The following ZNF529 variants were observed in gnomAD, a reference collection of about 807,000 sequenced individuals.
The protein encoded by ZNF529 is zinc finger protein 529.
In ZNF529, 11 loss-of-function variants were observed where a neutral mutation model predicts 10.1. The observed-to-expected ratio is 1.09, with a 90% confidence interval of 0.69 to 1.81. The LOEUF (loss-of-function observed/expected upper bound fraction) is 1.81, where lower values mean the gene tolerates loss of function less well. ZNF529 is among the 40% of genes most tolerant of loss of function. ZNF529 has a pLI of 0.00. For synonymous variants in ZNF529, 204 were observed against 215.7 expected (o/e 0.95, Z 0.47); for missense variants, 624 against 666.8 (o/e 0.94, Z 0.71).
chr19:36,555,616 T>A (rs1178224496), intron 3 of ZNF529, among the ~76,000 whole-genome samples: 1 of 152,186 alleles, frequency 6.6e-6, no homozygotes, highest in African/African-American at 2.4e-5. Context: ...TTTTAGTAAG[T>A]GTTTTTTAGT....
At chr19:36,552,290 C>T (rs1205393812) in intron 4 of ZNF529, among the ~76,000 whole-genome samples, 1 of 151,970 alleles carries the variant, frequency 6.6e-6, no homozygotes, top group South Asian at 2.1e-4. Context: ...ATTAGCCGGG[C>T]GTGGTGGCAT....
chr19:36,585,066 G>C (rs1471550584), intron 2 of ZNF529, among the ~76,000 whole-genome samples: 1 of 152,104 alleles, frequency 6.6e-6, no homozygotes. Context: ...GACAGCTCTT[G>C]GAAGATGAAG....
At chr19:36,568,664 G>T (rs1039137558) in intron 2 of ZNF529, among the ~76,000 whole-genome samples, 8 of 151,946 alleles carry the variant, frequency 5.3e-5, no homozygotes, top group Non-Finnish European at 1.2e-4. Context: ...TAGAGACAGG[G>T]TTTCACTATG....
At position 36,596,600 on chromosome 19, in the gene ZNF529, C is replaced by G. The variant is rs148957006; in HGVS notation, c.-127-6899G>C. Among the ~76,000 whole-genome samples, 327 of 152,168 alleles carry G rather than the reference C, an allele frequency of 2.1e-3. 1 individual carries two copies. Among genetic ancestry groups the G allele is most frequent in the African/African-American group, 7.4e-3 (309 of 41,508 alleles). ...TGACTTGGTCTCAGCTCACCGCAGC[C>G]TCTGCCTCCCAGTTCAAGCAATTAT... On this transcript the variant is annotated intron_variant, in intron 1 of 4. Transcript: ENST00000585960.
chr19:36,600,776 T>C (rs1313628797), intron 1 of ZNF529, among the ~76,000 whole-genome samples: 2 of 152,240 alleles, frequency 1.3e-5, no homozygotes, highest in African/African-American at 4.8e-5. Flanking sequence ...ATCCCTGTTC[T>C]AGACAGAGCA....
intron 1 of ZNF529, chr19:36,589,741 T>C (rs1227852954): frequency 1.3e-5 from 2 of 151,852 alleles, no homozygotes; most frequent in East Asian, 1.9e-4. Context: ...AGTGAAGATA[T>C]ATGGATTATC....
intron 2 of ZNF529, among the ~76,000 whole-genome samples, chr19:36,584,098 TGAAAA>T (rs2036527104): frequency 6.6e-6 from 1 of 151,090 alleles, no homozygotes; most frequent in Admixed American, 6.6e-5. Context: ...ACAGAAATCT[TGAAAA>T]GAAGGAAGGG....
At chr19:36,558,442 C>T (rs1472674804) in intron 2 of ZNF529, among the ~76,000 whole-genome samples, 2 of 151,966 alleles carry the variant, frequency 1.3e-5, no homozygotes, top group South Asian at 4.1e-4. Flanking sequence ...AAGGAAACTG[C>T]AGGCTAGAAG....
At chr19:36,570,672 T>C (rs933925496) in intron 2 of ZNF529, among the ~76,000 whole-genome samples, 3 of 152,234 alleles carry the variant, frequency 2.0e-5, no homozygotes, top group Admixed American at 6.5e-5. Context: ...TCGCAAATCA[T>C]TGAACCTAAG....
At chr19:36,597,579 G>A (rs1463586963) in intron 1 of ZNF529, among the ~76,000 whole-genome samples, 1 of 152,158 alleles carries the variant, frequency 6.6e-6, no homozygotes, top group Non-Finnish European at 1.5e-5. Context: ...CATAATGTCT[G>A]TGTGCAGGGG....
chr19:36,593,793 G>A (rs1259300033), intron 1 of ZNF529: 13 of 152,134 alleles, frequency 8.5e-5, no homozygotes, highest in African/African-American at 3.1e-4. Flanking sequence ...CAAAACCATG[G>A]CTAAAAATGG....
At chr19:36,569,406 C>T (rs74450408) in intron 2 of ZNF529, among the ~76,000 whole-genome samples, 1 of 152,078 alleles carries the variant, frequency 6.6e-6, no homozygotes. Context: ...AGAGAAAGAA[C>T]TAAAAAGGAA....
At chr19:36,548,391 T>A (rs1353904099) in intron 4 of ZNF529, 69 bp from the exon 5 acceptor site, 1 of 1,394,764 alleles carries the variant, frequency 7.2e-7, no homozygotes, top group African/African-American at 1.5e-5. Flanking sequence ...AAGAGACAAT[T>A]TAAGAATAAT....
At chr19:36,605,056 C>T (rs1043304676) in intron 1 of ZNF529, 28 of 152,616 alleles carry the variant, frequency 1.8e-4, no homozygotes, top group African/African-American at 6.8e-4. Flanking sequence ...AAACCCTCTC[C>T]GCGTCCCATG....
intron 1 of ZNF529, among the ~76,000 whole-genome samples, chr19:36,603,281 C>T (rs1056579224): frequency 6.6e-6 from 1 of 152,084 alleles, no homozygotes; most frequent in Non-Finnish European, 1.5e-5. Context: ...ACAAAAAGAG[C>T]ACACAGGAGA....
rs12982763 is a variant in ZNF529, at chr19:36,599,638, C to G, written c.-128+5488G>C. On this transcript the variant is annotated intron_variant, in intron 1 of 4. Coordinates refer to the ZNF529 transcript ENST00000585960. ...ATAATAAAACTATGAGTACTTACAACTTTCTATTTTATAAGTCAACTTAGG... is the reference window on the plus strand; with the variant it reads ...ATAATAAAACTATGAGTACTTACAAGTTTCTATTTTATAAGTCAACTTAGG... Among the ~76,000 whole-genome samples the G allele has an allele frequency of 3.6e-3, 550 of 152,224 alleles. 1 individual carries two copies. The highest frequency in any genetic ancestry group is 6.2e-3 in the Non-Finnish European group (421 of 68,006).
chr19:36,566,506 G>A (rs890401853), intron 2 of ZNF529, among the ~76,000 whole-genome samples: 2 of 151,644 alleles, frequency 1.3e-5, no homozygotes, highest in African/African-American at 4.8e-5. Flanking sequence ...TGGCCAACAT[G>A]GTGAAACCTT....
chr19:36,579,424 A>G (rs2036414881), intron 2 of ZNF529, among the ~76,000 whole-genome samples: 1 of 152,226 alleles, frequency 6.6e-6, no homozygotes, highest in Admixed American at 6.5e-5. Flanking sequence ...ACAGGGATAC[A>G]TTCTGAGAAA....
At chr19:36,556,507 T>G (rs111492914) in intron 2 of ZNF529, among the ~76,000 whole-genome samples, 17 of 152,314 alleles carry the variant, frequency 1.1e-4, no homozygotes, top group African/African-American at 4.1e-4. Flanking sequence ...TCTGCCCCAG[T>G]TACCTGTTGC....
Sources: allele counts gnomAD v4.1 joint callset (sites outside exome capture counted in the v4.1 genomes callset), GRCh38; gene constraint gnomAD v4.1.1; transcripts MANE v1.5; gene names NCBI Gene and HGNC (gene_info 2026-07-23, HGNC 2026-07-21).